Variants in ELOVL4 observed in about 807,000 individuals in gnomAD.
ELOVL4 encodes the protein very long chain fatty acid elongase 4.
Under a neutral mutation model 42.1 loss-of-function variants are expected in ELOVL4, and 18 were observed. The ratio of observed to expected loss-of-function variants is 0.43; its 90% CI spans 0.30 to 0.63. ELOVL4 has a LOEUF of 0.63. ELOVL4 is among the 30% of genes least tolerant of loss of function. The pLI is 0.15. For synonymous variants in ELOVL4, 117 were observed against 127.0 expected, an observed-to-expected ratio of 0.92 and a Z score of 0.53; for missense variants, 299 against 376.2, an observed-to-expected ratio of 0.79 and a Z score of 1.70.
Position 79,947,503 on chromosome 6 carries a change from G to T in ELOVL4, c.-224C>A, listed in dbSNP as rs1486952169. ...TCGTCAAGGTTCCCGGGAGAAAGAC[G>T]AGGAGGTGGAGGAGGCCCAGCCGCC... is the stretch of plus-strand genomic sequence containing the variant. On this transcript the variant is annotated 5_prime_UTR_variant, in exon 1 of 6. Coordinates refer to ENST00000369816, the MANE Select transcript of ELOVL4 (RefSeq NM_022726.4). 5 of 568,848 alleles carry T rather than the reference G, an allele frequency of 8.8e-6. No homozygotes were observed. The highest frequency in any genetic ancestry group is 6.2e-5 in the East Asian group (2 of 32,208). The allele number at this position is 568,848 out of a possible 1,614,324, so 35.2% of individuals were successfully genotyped here.
At chr6:79,946,767 C>T (rs1212331160) in intron 1 of ELOVL4, among the ~76,000 whole-genome samples, 1 of 152,196 alleles carries the variant, frequency 6.6e-6, no homozygotes, top group African/African-American at 2.4e-5. Flanking sequence ...CTCCTTCCTC[C>T]CCAGCCCGCT....
chr6:79,916,538 T>C lies in ELOVL4; in HGVS notation c.*70A>G, dbSNP rs1239679336. The C allele has an allele frequency of 1.3e-6, 2 of 1,596,362 alleles. No individual in the cohort carries two copies. The highest frequency in any genetic ancestry group is 2.2e-5 in the East Asian group (1 of 44,788). ...ACCCCCAAGCTCTCCTTTGCTTCTG[T>C]TTTCCCTGAAATTTTATATGATATG... On this transcript the variant is annotated 3_prime_UTR_variant, in exon 6 of 6. Coordinates refer to ENST00000369816, the MANE Select transcript of ELOVL4 (RefSeq NM_022726.4).
In ELOVL4 at chr6:79,937,595, C is replaced by T. The variant is rs115545281; in HGVS notation, c.100+9585G>A. ...ACTAAATGTGATAATACATATAAAA[C>T]ACTGGACACAGTGCCTGACACTTAG... On this transcript the variant is annotated intron_variant, in intron 1 of 5. Coordinates refer to ENST00000369816, the MANE Select transcript of ELOVL4 (RefSeq NM_022726.4). Among the ~76,000 whole-genome samples the T allele has an allele frequency of 5.7e-3, 868 of 152,104 alleles. 8 individuals carry two copies. The highest frequency in any genetic ancestry group is 0.02 in the African/African-American group (817 of 41,396).
chr6:79,925,017 A>G lies in ELOVL4; in HGVS notation c.304T>C (p.Tyr102His). 1.9e-6 allele frequency: 3 copies of G among 1,602,304 alleles called. No homozygotes were observed. Among genetic ancestry groups the G allele is most frequent in the Non-Finnish European group, 1.7e-6 (2 of 1,169,438 alleles). The change falls in exon 3 of 6, where the codon TAT (tyrosine) becomes CAT (histidine). Residue 102 changes from tyrosine (Y) to histidine (H), a missense_variant. By Grantham distance (83) the Tyr-to-His change is moderately conservative (BLOSUM62 2). Transcript: ENST00000369816. ...CAAATATAGCTATATCCCGCATTAT[A>G]TGATCCCATGAATAACTGGAAAAAG... ...FIFRELFMGS[Y>H]NAGYSYICQS...
At chr6:79,929,113 T>C (rs1485225077) in intron 1 of ELOVL4, among the ~76,000 whole-genome samples, 4 of 131,906 alleles carry the variant, frequency 3.0e-5, no homozygotes, top group Middle Eastern at 4.3e-3. Context: ...GGGAAGTAGG[T>C]GAACCAGATT....
intron 4 of ELOVL4, among the ~76,000 whole-genome samples, chr6:79,921,108 T>C (rs1296035925): frequency 1.3e-5 from 2 of 152,102 alleles, no homozygotes; most frequent in Non-Finnish European, 2.9e-5. Flanking sequence ...GGCAAATCTT[T>C]AGGTATTAAA....
intron 1 of ELOVL4, among the ~76,000 whole-genome samples, chr6:79,946,702 C>T (rs1774748647): frequency 6.6e-6 from 1 of 152,218 alleles, no homozygotes; most frequent in Non-Finnish European, 1.5e-5. Flanking sequence ...AGGGTTCTGT[C>T]AAAGCGACCA....
chr6:79,932,850 C>G (rs1052048060), intron 1 of ELOVL4, among the ~76,000 whole-genome samples: 8 of 151,984 alleles, frequency 5.3e-5, no homozygotes, highest in African/African-American at 1.9e-4. Flanking sequence ...AGTGGTAGGA[C>G]AGAAAAGGGG....
rs200158201 is a variant in ELOVL4 at position 79,924,997 on chromosome 6, A to G, written c.324T>C (p.Tyr108=). 1 of 1,607,860 alleles carries G rather than the reference A, an allele frequency of 6.2e-7. No homozygotes were observed. Among genetic ancestry groups the G allele is most frequent in the African/African-American group, 1.3e-5 (1 of 74,890 alleles). Residue 108 remains tyrosine (Y), a synonymous_variant, in exon 3 of 6, where the codon TAT becomes TAC. Coordinates refer to ENST00000369816, the MANE Select transcript of ELOVL4 (RefSeq NM_022726.4). ...FMGSYNAGYS[Y]ICQSVDYSNN... is the part of the protein sequence containing the mutation. The stretch of plus-strand genomic sequence containing the variant: ...TAGAATAATCCACACTCTGGCAAAT[A>G]TAGCTATATCCCGCATTATATGATC...
chr6:79,946,906 T>A (rs1774753019), intron 1 of ELOVL4, among the ~76,000 whole-genome samples: 1 of 152,164 alleles, frequency 6.6e-6, no homozygotes, highest in African/African-American at 2.4e-5. Flanking sequence ...ACAGGCTCCA[T>A]CTGATATGTC....
intron 1 of ELOVL4, among the ~76,000 whole-genome samples, chr6:79,941,781 C>G (rs946872163): frequency 2.0e-5 from 3 of 152,092 alleles, no homozygotes; most frequent in Non-Finnish European, 4.4e-5. Context: ...TATCATGATT[C>G]AAAATTATGC....
At position 79,916,294 on chromosome 6, in the gene ELOVL4, G is replaced by A; in HGVS notation, c.*314C>T. On this transcript the variant is annotated 3_prime_UTR_variant, in exon 6 of 6. Coordinates refer to ENST00000369816, the MANE Select transcript of ELOVL4 (RefSeq NM_022726.4). Reference sequence around the variant, plus strand: ...CAGACCGAAGAATGAGTGACTATAAGATACATGAAAAATCTCATCCTTTAG... The same window carrying A: ...CAGACCGAAGAATGAGTGACTATAAAATACATGAAAAATCTCATCCTTTAG... The A allele has an allele frequency of 3.0e-6, 1 of 329,946 alleles. No homozygotes were observed. Among genetic ancestry groups the A allele is most frequent in the South Asian group, 3.8e-5 (1 of 26,566 alleles). The allele number at this position is 329,946 out of a possible 1,614,324, so 20.4% of individuals were successfully genotyped here. A position where few individuals can be genotyped will look rare whatever the true frequency, so the allele number is the denominator to read the frequency against.
intron 1 of ELOVL4, among the ~76,000 whole-genome samples, chr6:79,941,598 G>C (rs79876287): frequency 2.0e-5 from 3 of 152,176 alleles, no homozygotes; most frequent in African/African-American, 7.2e-5. Flanking sequence ...ACAGTGGGTC[G>C]TGCCTGTAAT....
At position 79,916,392 on chromosome 6, in the gene ELOVL4, C is replaced by T. The variant is rs1470942490; in HGVS notation, c.*216G>A. On this transcript the variant is annotated 3_prime_UTR_variant, in exon 6 of 6. Transcript: ENST00000369816. Reference sequence around the variant, plus strand: ...TGCTTTGGTCTGGAGAATATCAAGGCTAATTTTTAAAAAAAATGTTTAAAA... The same window carrying T: ...TGCTTTGGTCTGGAGAATATCAAGGTTAATTTTTAAAAAAAATGTTTAAAA... The T allele has an allele frequency of 1.8e-6, 1 of 569,940 alleles. No homozygotes were observed. Among genetic ancestry groups the T allele is most frequent in the Non-Finnish European group, 3.1e-6 (1 of 327,016 alleles). 35.3% of individuals were successfully genotyped at this position (569,940 alleles called of 1,614,324 possible).
At position 79,947,299 on chromosome 6, in the gene ELOVL4, T is replaced by G; in HGVS notation, c.-20A>C. The G allele has an allele frequency of 6.3e-7, 1 of 1,597,610 alleles. No individual in the cohort carries two copies. The highest frequency in any genetic ancestry group is 8.6e-7 in the Non-Finnish European group (1 of 1,168,252). On this transcript the variant is annotated 5_prime_UTR_variant, in exon 1 of 6. Transcript: ENST00000369816. ...CCCCATCGCGGCGATGAGCGGGCGC[T>G]GGCGGCAGGAGAAAGCGGAGACCCA...
At chr6:79,920,406 C>T (rs764539892) in intron 4 of ELOVL4, among the ~76,000 whole-genome samples, 2 of 152,208 alleles carry the variant, frequency 1.3e-5, no homozygotes, top group Non-Finnish European at 2.9e-5. Flanking sequence ...TCCTCTTTAA[C>T]ATTAACAAGG....
At chr6:79,937,618 T>C (rs1370591307) in intron 1 of ELOVL4, among the ~76,000 whole-genome samples, 1 of 152,118 alleles carries the variant, frequency 6.6e-6, no homozygotes, top group Non-Finnish European at 1.5e-5. Flanking sequence ...GCCTGACACT[T>C]AGTAAGCATC....
chr6:79,921,703 A>G lies in ELOVL4; in HGVS notation c.463T>C (p.Ser155Pro). 6.2e-7 allele frequency: 1 copy of G among 1,614,120 alleles called. No individual in the cohort carries two copies. The highest frequency in any genetic ancestry group is 8.5e-7 in the Non-Finnish European group (1 of 1,180,008). ...FILRKKNNQV[S>P]FLHVYHHCTM... Reference sequence around the variant, plus strand: ...CAGTGATGATACACATGAAGGAAAGAAACTTGGTTGTTTTTCTTTCTCAGA... The same window carrying G: ...CAGTGATGATACACATGAAGGAAAGGAACTTGGTTGTTTTTCTTTCTCAGA... The change falls in exon 4 of 6, where the codon TCT (serine) becomes CCT (proline). Residue 155 changes from serine (S) to proline (P), a missense_variant. Ser to Pro is a moderately conservative substitution (Grantham distance 74). Transcript: ENST00000369816.
Position 79,947,370 on chromosome 6 carries a change from G to A in ELOVL4, c.-91C>T. The A allele has an allele frequency of 2.0e-6, 2 of 999,594 alleles. No homozygotes were observed. The highest frequency in any genetic ancestry group is 2.0e-5 in the Admixed American group (1 of 50,698). The allele number at this position is 999,594 out of a possible 1,614,324, so 61.9% of individuals were successfully genotyped here. The stretch of plus-strand genomic sequence containing the variant: ...GGCGGTGGCGGCCGACGGGGCGAGC[G>A]GCGGCCGGGAACCCCTCTAACGGCG... On this transcript the variant is annotated 5_prime_UTR_variant, in exon 1 of 6. Coordinates refer to ENST00000369816, the MANE Select transcript of ELOVL4 (RefSeq NM_022726.4).
Sources: allele counts gnomAD v4.1 joint callset (sites outside exome capture counted in the v4.1 genomes callset), GRCh38; gene constraint gnomAD v4.1.1; transcripts MANE v1.5; gene names NCBI Gene and HGNC (gene_info 2026-07-23, HGNC 2026-07-21).